Variants in MARK1 observed in about 807,000 individuals in gnomAD.
MARK1 encodes microtubule affinity regulating kinase 1.
MARK1 carries 40 observed loss-of-function variants against 96.3 expected under a neutral mutation model. That is an observed-to-expected ratio of 0.42 (90% CI 0.32 to 0.54). The LOEUF (loss-of-function observed/expected upper bound fraction) is 0.54, where lower values mean the gene tolerates loss of function less well. Ranked by LOEUF, MARK1 falls within the 20% of genes least tolerant of loss-of-function variation. MARK1 has a pLI of 0.16. For missense variants in MARK1, 719 were observed against 984.6 expected, an observed-to-expected ratio of 0.73 and a Z score of 3.61; for synonymous variants, 317 against 341.2, an observed-to-expected ratio of 0.93 and a Z score of 0.78.
At chr1:220,660,463 A>T (rs1015628198) in intron 17 of MARK1, among the ~76,000 whole-genome samples, 1 of 152,322 alleles carries the variant, frequency 6.6e-6, no homozygotes, top group East Asian at 1.9e-4. Context: ...ATGAATATAT[A>T]TCATACTATT....
At chr1:220,539,453 C>T (rs1268122539) in intron 1 of MARK1, among the ~76,000 whole-genome samples, 1 of 152,098 alleles carries the variant, frequency 6.6e-6, no homozygotes, top group Admixed American at 6.6e-5. Flanking sequence ...TTTTGATGTG[C>T]TGCTGGATTT....
chr1:220,573,114 C>T (rs1322803143), intron 1 of MARK1, among the ~76,000 whole-genome samples: 1 of 152,028 alleles, frequency 6.6e-6, no homozygotes, highest in African/African-American at 2.4e-5. Context: ...TGATCTTCTA[C>T]ACTGGGTTTT....
chr1:220,543,583 G>A (rs1661288771), intron 1 of MARK1, among the ~76,000 whole-genome samples: 2 of 152,062 alleles, frequency 1.3e-5, no homozygotes, highest in Non-Finnish European at 1.5e-5. Flanking sequence ...ATTCTTCTGC[G>A]TATAAACTTC....
intron 1 of MARK1, among the ~76,000 whole-genome samples, chr1:220,573,562 A>T (rs914640144): frequency 1.3e-5 from 2 of 152,018 alleles, no homozygotes; most frequent in Admixed American, 6.5e-5. Context: ...TGACCTCGTG[A>T]TCCACCCACC....
At chr1:220,637,831 G>A (rs1398981427) in intron 13 of MARK1, among the ~76,000 whole-genome samples, 2 of 151,544 alleles carry the variant, frequency 1.3e-5, no homozygotes, top group Non-Finnish European at 2.9e-5. Flanking sequence ...CTGTGGACAG[G>A]AGAGAAAAAA....
chr1:220,561,427 C>G (rs147521416), intron 1 of MARK1, among the ~76,000 whole-genome samples: 2 of 152,186 alleles, frequency 1.3e-5, no homozygotes, highest in African/African-American at 4.8e-5. Flanking sequence ...TGGCCCAAGA[C>G]AGTTCTTCTT....
intron 1 of MARK1, among the ~76,000 whole-genome samples, chr1:220,533,491 C>G (rs983472791): frequency 1.3e-5 from 2 of 151,896 alleles, no homozygotes; most frequent in African/African-American, 4.8e-5. Flanking sequence ...TTTCTCTTTT[C>G]CTGATGAATA....
At chr1:220,586,182 C>A (rs2589595) in intron 3 of MARK1, among the ~76,000 whole-genome samples, 131,147 of 152,032 alleles carry the variant, frequency 0.86, 59,927 homozygotes, top group East Asian at 1. Context: ...TAAAGGTCCT[C>A]ACTTCCTTTT....
chr1:220,637,823 G>A (rs1668052048), intron 13 of MARK1, among the ~76,000 whole-genome samples: 1 of 151,302 alleles, frequency 6.6e-6, no homozygotes, highest in Non-Finnish European at 1.5e-5. Flanking sequence ...ACCTCAGCCT[G>A]TGGACAGGAG....
chr1:220,594,359 C>T (rs1665186086), intron 3 of MARK1, among the ~76,000 whole-genome samples: 1 of 152,100 alleles, frequency 6.6e-6, no homozygotes, highest in African/African-American at 2.4e-5. Flanking sequence ...AGCAGAAGTC[C>T]AAAACACAGC....
At chr1:220,613,764 C>T (rs1332295296) in intron 6 of MARK1, among the ~76,000 whole-genome samples, 1 of 151,980 alleles carries the variant, frequency 6.6e-6, no homozygotes, top group Non-Finnish European at 1.5e-5. Context: ...ATCATTAGAA[C>T]CTTCTGTATT....
At chr1:220,635,285 A>T in intron 11 of MARK1, 91 bp from the exon 12 acceptor site, 1 of 1,227,992 alleles carries the variant, frequency 8.1e-7, no homozygotes. Flanking sequence ...GTATAGCTTT[A>T]AGTCATTTAG....
chr1:220,559,540 TGA>T (rs1037180514), intron 1 of MARK1, among the ~76,000 whole-genome samples: 1 of 152,210 alleles, frequency 6.6e-6, no homozygotes, highest in Non-Finnish European at 1.5e-5. Context: ...CTCTTTACCA[TGA>T]GATACAGGAG....
chr1:220,632,894 G>A (rs1667746381), intron 11 of MARK1, among the ~76,000 whole-genome samples: 1 of 152,282 alleles, frequency 6.6e-6, no homozygotes, highest in South Asian at 2.1e-4. Flanking sequence ...AGAAGTACCT[G>A]AGACTGGGTA....
At chr1:220,569,868 C>T (rs1242259781) in intron 1 of MARK1, among the ~76,000 whole-genome samples, 2 of 152,030 alleles carry the variant, frequency 1.3e-5, no homozygotes, top group Non-Finnish European at 2.9e-5. Flanking sequence ...CTGAAAGGTT[C>T]AACCTTCTGG....
chr1:220,586,672 G>A (rs1664649252), intron 3 of MARK1, among the ~76,000 whole-genome samples: 1 of 152,108 alleles, frequency 6.6e-6, no homozygotes, highest in Non-Finnish European at 1.5e-5. Flanking sequence ...ATGTTCTCAA[G>A]AAGCTACTTA....
intron 3 of MARK1, among the ~76,000 whole-genome samples, chr1:220,582,554 A>G (rs916678578): frequency 3.4e-5 from 4 of 118,166 alleles, no homozygotes; most frequent in Non-Finnish European, 7.9e-5. Flanking sequence ...CTTTTCCTGG[A>G]TTTAGTTGTG....
At chr1:220,604,014 G>A in intron 5 of MARK1, 53 bp from the exon 6 acceptor site, 2 of 1,205,270 alleles carry the variant, frequency 1.7e-6, no homozygotes, top group South Asian at 2.9e-5. Context: ...TGCATATATT[G>A]TTAACCAAAA....
intron 15 of MARK1, among the ~76,000 whole-genome samples, 165 bp downstream of exon 15, chr1:220,652,315 G>C (rs2103056523): frequency 6.6e-6 from 1 of 152,240 alleles, no homozygotes; most frequent in South Asian, 2.1e-4. Context: ...TATGTACTTT[G>C]GCTGTTATTG....
Sources: allele counts gnomAD v4.1 joint callset (sites outside exome capture counted in the v4.1 genomes callset), GRCh38; gene constraint gnomAD v4.1.1; transcripts MANE v1.5; gene names NCBI Gene and HGNC (gene_info 2026-07-23, HGNC 2026-07-21).